IL22RA2: variants seen among roughly 807,000 people sequenced by gnomAD.
IL22RA2 encodes interleukin 22 receptor subunit alpha 2.
IL22RA2 carries 39 observed loss-of-function variants against 30.7 expected under a neutral mutation model. The ratio of observed to expected loss-of-function variants is 1.27; its 90% CI spans 0.98 to 1.66. The LOEUF (loss-of-function observed/expected upper bound fraction) is 1.66. Ranked by LOEUF, IL22RA2 falls within the 40% of genes most tolerant of loss-of-function variation. The pLI, the probability that IL22RA2 is intolerant of heterozygous loss-of-function variation, is 0.00. For missense variants in IL22RA2, 315 were observed against 312.7 expected, an observed-to-expected ratio of 1.01 and a Z score of -0.05; for synonymous variants, 103 against 105.0, an observed-to-expected ratio of 0.98 and a Z score of 0.11.
rs957622557 is a variant in IL22RA2 at position 137,162,627 on chromosome 6, A to AT, written c.-65-814dup. ...GATTCATTATATCATTCTTCTTACC[A>AT]TTTTTTTTTACTACACGTGTTTAGA... On this transcript the variant is annotated intron_variant, in intron 1 of 6. Transcript: ENST00000296980. 1.0e-3 allele frequency among the ~76,000 whole-genome samples: 158 copies of AT among 151,332 alleles called. 1 individual carries two copies. Among genetic ancestry groups the AT allele is most frequent in the African/African-American group, 2.8e-3 (117 of 41,274 alleles).
chr6:137,169,532 G>T (rs952769426), intron 1 of IL22RA2, among the ~76,000 whole-genome samples: 3 of 152,146 alleles, frequency 2.0e-5, no homozygotes, highest in Non-Finnish European at 2.9e-5. Context: ...AGAGTCAAAA[G>T]AAATGTGTTT....
At chr6:137,166,847 T>C (rs926110905) in intron 1 of IL22RA2, among the ~76,000 whole-genome samples, 3 of 152,234 alleles carry the variant, frequency 2.0e-5, no homozygotes, top group Non-Finnish European at 4.4e-5. Flanking sequence ...TCGAGCCATT[T>C]ATGAGTAATG....
At chr6:137,148,539 A>C (rs1778224916) in intron 5 of IL22RA2, among the ~76,000 whole-genome samples, 1 of 152,198 alleles carries the variant, frequency 6.6e-6, no homozygotes, top group Admixed American at 6.5e-5. Context: ...AAATGCCTTC[A>C]GGGCAGCTGG....
rs1778528322 is a variant in IL22RA2, at chr6:137,161,831, C to G, written c.-65-17G>C. ...AAGAGGAAACTGTAAAATCCACAAA[C>G]AGACAATCACTCCCGGGTTTAAGGC... On this transcript the variant is annotated splice_polypyrimidine_tract_variant and intron_variant, in intron 1 of 6. Coordinates refer to ENST00000296980, the MANE Select transcript of IL22RA2 (RefSeq NM_052962.3). 6 of 1,038,724 alleles carry G rather than the reference C, an allele frequency of 5.8e-6. No homozygotes were observed. The highest frequency in any genetic ancestry group is 2.0e-4 in the Middle Eastern group (1 of 4,898). 64.3% of individuals were successfully genotyped at this position (1,038,724 alleles called of 1,614,324 possible).
chr6:137,161,959 G>T, intron 1 of IL22RA2, 145 bp from the exon 2 acceptor site: 1 of 494,396 alleles, frequency 2.0e-6, no homozygotes, highest in South Asian at 3.2e-5. Flanking sequence ...AAAAACATTT[G>T]CTGTCACTTT....
At chr6:137,153,719 C>T (rs1778341179) in intron 5 of IL22RA2, among the ~76,000 whole-genome samples, 1 of 152,090 alleles carries the variant, frequency 6.6e-6, no homozygotes, top group Non-Finnish European at 1.5e-5. Flanking sequence ...GTTATAAATA[C>T]AATGGGGTCA....
chr6:137,154,539 C>T (rs1297357419), intron 5 of IL22RA2, among the ~76,000 whole-genome samples: 6 of 152,070 alleles, frequency 3.9e-5, no homozygotes, highest in Non-Finnish European at 7.4e-5. Context: ...CGCTTGAACC[C>T]GGGATGCAGA....
In IL22RA2 at chr6:137,153,419, A is replaced by G. The variant is rs1006452250; in HGVS notation, c.472+1522T>C. On this transcript the variant is annotated intron_variant, in intron 5 of 6. Coordinates refer to ENST00000296980, the MANE Select transcript of IL22RA2 (RefSeq NM_052962.3). ...GCTTCACTAAGCCTAGGGCCAATAT[A>G]TGGTGCTATTTCTTCCACAGACAGA... Among the ~76,000 whole-genome samples, 4 of 152,190 alleles carry G rather than the reference A, an allele frequency of 2.6e-5. No individual in the cohort carries two copies. The East Asian group carries it at 7.7e-4, about 29-fold the overall frequency.
At chr6:137,145,862 G>T in intron 6 of IL22RA2, 89 bp from the exon 7 acceptor site, 1 of 1,343,678 alleles carries the variant, frequency 7.4e-7, no homozygotes, top group South Asian at 1.2e-5. Context: ...GTTGTACATG[G>T]TCACAGCAGT....
chr6:137,154,831 AT>A, intron 5 of IL22RA2, 109 bp downstream of exon 5: 1 of 828,832 alleles, frequency 1.2e-6, no homozygotes, highest in East Asian at 2.5e-5. Context: ...ACCAAAAGAG[AT>A]AATGATGTAG....
At chr6:137,159,284 T>C (rs150863109) in intron 2 of IL22RA2, among the ~76,000 whole-genome samples, 5 of 152,206 alleles carry the variant, frequency 3.3e-5, no homozygotes, top group African/African-American at 1.2e-4. Context: ...AGGTTTTTTA[T>C]AAGGGATAAG....
chr6:137,145,800 T>C, intron 6 of IL22RA2, 27 bp from the exon 7 acceptor site: 1 of 1,613,332 alleles, frequency 6.2e-7, no homozygotes, highest in Non-Finnish European at 8.5e-7. Flanking sequence ...AAATAATCAG[T>C]TGGTAAATGG....
chr6:137,155,626 G>A lies in IL22RA2; in HGVS notation c.294-507C>T, dbSNP rs573520108. ...ATCAATGGATGAATCCATTCATGGG[G>A]GCAGAATCCTCATGACCCAATCATC... is the stretch of plus-strand genomic sequence containing the variant. On this transcript the variant is annotated intron_variant, in intron 4 of 6. Transcript: ENST00000296980. Among the ~76,000 whole-genome samples, 12 of 152,072 alleles carry A rather than the reference G, an allele frequency of 7.9e-5. No homozygotes were observed. The South Asian group carries it at 2.3e-3, about 29-fold the overall frequency.
chr6:137,165,200 A>T (rs1297405208), intron 1 of IL22RA2, among the ~76,000 whole-genome samples: 1 of 152,224 alleles, frequency 6.6e-6, no homozygotes, highest in Non-Finnish European at 1.5e-5. Flanking sequence ...GAAAAAGGCC[A>T]CCAATATCGG....
At chr6:137,151,903 G>A (rs1448260962) in intron 5 of IL22RA2, among the ~76,000 whole-genome samples, 1 of 152,056 alleles carries the variant, frequency 6.6e-6, no homozygotes, top group Non-Finnish European at 1.5e-5. Context: ...GTAAAAATGT[G>A]GAAAAATCAA....
chr6:137,159,961 G>A (rs1291087311), intron 2 of IL22RA2, among the ~76,000 whole-genome samples: 1 of 152,214 alleles, frequency 6.6e-6, no homozygotes, highest in Admixed American at 6.5e-5. Flanking sequence ...ACCAAATAGT[G>A]TGAATACTGT....
chr6:137,164,733 C>T (rs767959943), intron 1 of IL22RA2, among the ~76,000 whole-genome samples: 6 of 152,166 alleles, frequency 3.9e-5, no homozygotes, highest in African/African-American at 1.2e-4. Flanking sequence ...TAGGTCGGTC[C>T]GTGCCCAAGC....
At chr6:137,159,328 C>G (rs1419225656) in intron 2 of IL22RA2, among the ~76,000 whole-genome samples, 2 of 149,290 alleles carry the variant, frequency 1.3e-5, no homozygotes, top group Admixed American at 6.7e-5. Flanking sequence ...AGAAGCATAT[C>G]TTTTTTTTTT....
rs574014528 is a variant in IL22RA2 at position 137,165,274 on chromosome 6, C to T, written c.-65-3460G>A. ...CCGGTGAATTTTATGAGAGGCTGTGCGAGGCTTACCAGCTTTACATGCCAC... is the reference window on the plus strand; with the variant it reads ...CCGGTGAATTTTATGAGAGGCTGTGTGAGGCTTACCAGCTTTACATGCCAC... On this transcript the variant is annotated intron_variant, in intron 1 of 6. Coordinates refer to ENST00000296980, the MANE Select transcript of IL22RA2 (RefSeq NM_052962.3). Among the ~76,000 whole-genome samples the T allele has an allele frequency of 2.0e-4, 30 of 152,246 alleles. No individual in the cohort carries two copies. The East Asian group carries it at 5.0e-3, about 25-fold the overall frequency.
Sources: allele counts gnomAD v4.1 joint callset (sites outside exome capture counted in the v4.1 genomes callset), GRCh38; gene constraint gnomAD v4.1.1; transcripts MANE v1.5; gene names NCBI Gene and HGNC (gene_info 2026-07-23, HGNC 2026-07-21).